The following TET2 variants were observed in gnomAD, a reference collection of about 807,000 sequenced individuals.
TET2 encodes tet methylcytosine dioxygenase 2.
TET2 carries 299 observed loss-of-function variants against 142.9 expected under a neutral mutation model. The observed-to-expected ratio is 2.09, with a 90% CI of 1.90 to 2.30. TET2 has a LOEUF of 2.30. Ranked by LOEUF, TET2 falls within the 30% of genes most tolerant of loss-of-function variation. TET2 has a pLI of 0.00. For synonymous variants in TET2, 819 were observed against 849.0 expected (o/e 0.96, Z 0.61); for missense variants, 2,418 against 2,378.0 (o/e 1.02, Z -0.35).
At chr4:105,148,914 T>C (rs1204048677) in intron 1 of TET2, among the ~76,000 whole-genome samples, 4 of 152,204 alleles carry the variant, frequency 2.6e-5, no homozygotes, top group Non-Finnish European at 5.9e-5. Context: ...TGTAACTTTC[T>C]ATTTTGATCT....
rs562822716 is a variant in TET2 at position 105,203,860 on chromosome 4, C to T, written c.-47+13355C>T. Among the ~76,000 whole-genome samples the T allele has an allele frequency of 1.1e-4, 17 of 152,156 alleles. 1 individual carries two copies. The South Asian group carries it at 2.7e-3, about 24-fold the overall frequency. On this transcript the variant is annotated intron_variant, in intron 2 of 10. Coordinates refer to ENST00000380013, the MANE Select transcript of TET2 (RefSeq NM_001127208.3). ...AACTCTTCGAGGCAAATTTAGTCTC[C>T]TCCCACCCCTGTTTTTTAATGTTTC...
At chr4:105,161,003 T>C (rs576246348) in intron 1 of TET2, among the ~76,000 whole-genome samples, 7 of 152,318 alleles carry the variant, frequency 4.6e-5, no homozygotes, top group African/African-American at 1.7e-4. Flanking sequence ...TTTGAACTCC[T>C]GACCTGGTGA....
chr4:105,240,648 T>G (rs1729243737), intron 3 of TET2: 1 of 1,079,892 alleles, frequency 9.3e-7, no homozygotes, highest in African/African-American at 1.6e-5. Context: ...ATCTCATAGA[T>G]AATATTTGGT....
At chr4:105,232,070 T>C (rs1021101419) in intron 2 of TET2, among the ~76,000 whole-genome samples, 2 of 152,118 alleles carry the variant, frequency 1.3e-5, no homozygotes, top group African/African-American at 2.4e-5. Context: ...TTCCCCCTCT[T>C]TGTGTCCATG....
intron 2 of TET2, among the ~76,000 whole-genome samples, chr4:105,209,199 G>GAGTTATT (rs747508547): frequency 6.7e-6 from 1 of 150,056 alleles, no homozygotes; most frequent in Non-Finnish European, 1.5e-5. Flanking sequence ...TTCCAGCTGT[G>GAGTTATT]AGTTATTCAA....
At chr4:105,239,353 G>A (rs1729165150) in intron 3 of TET2, 1 of 240,396 alleles carries the variant, frequency 4.2e-6, no homozygotes, top group Admixed American at 5.7e-5. Context: ...AGTCTTAGAT[G>A]GCACCTTGTT....
chr4:105,190,679 C>T (rs754285219), intron 2 of TET2, 174 bp downstream of exon 2: 3 of 554,296 alleles, frequency 5.4e-6, no homozygotes, highest in Non-Finnish European at 9.6e-6. Context: ...TGTGAATTTA[C>T]TAAAGTTGTG....
rs2110249199 is a variant in TET2, at chr4:105,241,411, G to C, written c.3482G>C (p.Arg1161Thr). 1.3e-6 allele frequency: 2 copies of C among 1,550,104 alleles called. No individual in the cohort carries two copies. Among genetic ancestry groups the C allele is most frequent in the Non-Finnish European group, 1.7e-6 (2 of 1,146,554 alleles). Residue 1161 changes from arginine to threonine, a missense_variant, in exon 4 of 11, where the codon AGA becomes ACA. Physicochemically the swap from Arg to Thr is moderately conservative, Grantham distance 71 (BLOSUM62 -1). Coordinates refer to ENST00000380013, the MANE Select transcript of TET2 (RefSeq NM_001127208.3). ...GCAGGTCCTAATGTGGCAGCTATTA[G>C]AGAAATCATGGAAGAAAGGTAATTA... ...LGAGPNVAAIREIMEERFGQK... is the reference protein window; with the variant it reads ...LGAGPNVAAITEIMEERFGQK...
At chr4:105,148,299 C>T (rs774026718) in intron 1 of TET2, among the ~76,000 whole-genome samples, 4 of 152,102 alleles carry the variant, frequency 2.6e-5, no homozygotes, top group African/African-American at 4.8e-5. Flanking sequence ...CCTTCTTCAT[C>T]TAATGTTTAA....
chr4:105,275,808 CA>C lies in TET2; in HGVS notation c.5299del (p.Ser1767ValfsTer53), dbSNP rs1314870359. On this transcript the variant is annotated frameshift_variant, in exon 11 of 11. Coordinates refer to ENST00000380013, the MANE Select transcript of TET2 (RefSeq NM_001127208.3). LOFTEE classifies it low-confidence loss of function (END_TRUNC). Reference sequence around the variant, plus strand: ...CACCTTCTCACATAATCCATAACTACAGTGCAGCTCCGGGCATGTTCAACAG... The same window carrying C: ...CACCTTCTCACATAATCCATAACTACGTGCAGCTCCGGGCATGTTCAACAG... ...HSPSHIIHNYSAAPGMFNSSL... is the reference protein window; with the variant it reads ...HSPSHIIHNYXAAPGMFNSSL... 1 of 1,551,574 alleles carries C rather than the reference CA, an allele frequency of 6.4e-7. No individual in the cohort carries two copies. The highest frequency in any genetic ancestry group is 8.7e-7 in the Non-Finnish European group (1 of 1,147,008).
intron 2 of TET2, among the ~76,000 whole-genome samples, chr4:105,219,890 C>T (rs890896758): frequency 6.6e-6 from 1 of 152,068 alleles, no homozygotes; most frequent in Non-Finnish European, 1.5e-5. Flanking sequence ...CCTATTATTT[C>T]TTTGTTTTTC....
chr4:105,263,462 C>A (rs1730543086), intron 8 of TET2, among the ~76,000 whole-genome samples: 1 of 152,154 alleles, frequency 6.6e-6, no homozygotes. Context: ...GCTTAGAGAA[C>A]TTGGTGACTA....
intron 2 of TET2, among the ~76,000 whole-genome samples, chr4:105,215,423 A>G (rs1727436393): frequency 5.3e-5 from 8 of 152,138 alleles, no homozygotes; most frequent in Admixed American, 5.2e-4. Flanking sequence ...GTGACATTTG[A>G]CTTATATTTA....
chr4:105,224,649 G>A (rs1318474264), intron 2 of TET2, among the ~76,000 whole-genome samples: 1 of 145,256 alleles, frequency 6.9e-6, no homozygotes, highest in Non-Finnish European at 1.5e-5. Flanking sequence ...CTCTGACATA[G>A]AAGATAAAGG....
intron 1 of TET2, among the ~76,000 whole-genome samples, chr4:105,158,177 C>T (rs2214408): frequency 0.06 from 9,191 of 152,182 alleles, 361 homozygotes; most frequent in Non-Finnish European, 0.087. Flanking sequence ...AAAGACACTT[C>T]TTGGGTTTTG....
chr4:105,224,684 G>GTCTCCTCTC (rs1728065246), intron 2 of TET2, among the ~76,000 whole-genome samples: 1 of 108,106 alleles, frequency 9.3e-6, no homozygotes, highest in East Asian at 2.4e-4. Flanking sequence ...ATATCAGCCA[G>GTCTCCTCTC]TCTCTCTCTC....
At chr4:105,197,851 A>G (rs779277996) in intron 2 of TET2, among the ~76,000 whole-genome samples, 3 of 152,192 alleles carry the variant, frequency 2.0e-5, no homozygotes, top group Admixed American at 6.5e-5. Flanking sequence ...GGCAAGGAAG[A>G]GTAGTTTTGT....
At chr4:105,168,387 C>CT (rs1725537209) in intron 1 of TET2, among the ~76,000 whole-genome samples, 1 of 152,058 alleles carries the variant, frequency 6.6e-6, no homozygotes, top group Non-Finnish European at 1.5e-5. Context: ...GAAGAGCATC[C>CT]TTTTTCCTCC....
intron 7 of TET2, among the ~76,000 whole-genome samples, chr4:105,260,816 CAAG>C (rs1456851796): frequency 6.6e-6 from 1 of 152,056 alleles, no homozygotes; most frequent in Non-Finnish European, 1.5e-5. Flanking sequence ...TTTCATAAGA[CAAG>C]AATATGAATA....
Sources: gnomAD v4.1 joint callset for allele counts (sites outside exome capture counted in the v4.1 genomes callset) on GRCh38, gnomAD v4.1.1 for gene constraint, MANE v1.5 for transcripts, NCBI Gene and HGNC (gene_info 2026-07-23, HGNC 2026-07-21) for gene names.